GRID2: variants seen among roughly 807,000 people sequenced by gnomAD.
GRID2 encodes the protein glutamate ionotropic receptor delta type subunit 2, also known as glutamate receptor ionotropic, delta-2.
In GRID2, 33 loss-of-function variants were observed where a neutral mutation model predicts 114.8. The ratio of observed to expected loss-of-function variants is 0.29; its 90% CI spans 0.22 to 0.38. GRID2 has a LOEUF of 0.38. GRID2 is among the 10% of genes least tolerant of loss of function. GRID2 has a pLI of 1.00. For synonymous variants in GRID2, 505 were observed against 449.9 expected, an observed-to-expected ratio of 1.12 and a Z score of -1.55; for missense variants, 1,184 against 1,257.7, an observed-to-expected ratio of 0.94 and a Z score of 0.89.
chr4:93,798,774 C>A (rs900285748), intron 1 of GRID2, among the ~76,000 whole-genome samples: 9 of 152,164 alleles, frequency 5.9e-5, no homozygotes, highest in African/African-American at 9.7e-5. Flanking sequence ...TGCCTCTCCC[C>A]ACCCTCAGAA....
intron 2 of GRID2, among the ~76,000 whole-genome samples, chr4:92,624,415 G>A (rs1015373347): frequency 6.6e-6 from 1 of 151,816 alleles, no homozygotes; most frequent in Non-Finnish European, 1.5e-5. Context: ...TGACAAAATA[G>A]TATAAGATTC....
chr4:92,608,953 A>T (rs761614411), intron 2 of GRID2, among the ~76,000 whole-genome samples: 1 of 151,810 alleles, frequency 6.6e-6, no homozygotes, highest in Non-Finnish European at 1.5e-5. Flanking sequence ...AGGTGCATCA[A>T]TGTGCTTTCT....
At position 92,696,753 on chromosome 4, in the gene GRID2, A is replaced by T. The variant is rs184263071; in HGVS notation, c.244+106467A>T. Among the ~76,000 whole-genome samples, 9 of 152,266 alleles carry T rather than the reference A, an allele frequency of 5.9e-5. No individual in the cohort carries two copies. The East Asian group carries it at 1.5e-3, about 26-fold the overall frequency. On this transcript the variant is annotated intron_variant, in intron 2 of 15. Coordinates refer to ENST00000282020, the MANE Select transcript of GRID2 (RefSeq NM_001510.4). The stretch of plus-strand genomic sequence containing the variant: ...GAGTGAAAAAATATTTCCAAAATTA[A>T]GTAAGAGTTTAGACCTGTAATTGAA...
At chr4:93,226,327 C>G (rs1445319331) in intron 7 of GRID2, among the ~76,000 whole-genome samples, 1 of 152,140 alleles carries the variant, frequency 6.6e-6, no homozygotes, top group Non-Finnish European at 1.5e-5. Context: ...GAATTCAAAA[C>G]TGATTATCTA....
At chr4:93,436,770 A>G (rs1285667528) in intron 10 of GRID2, among the ~76,000 whole-genome samples, 1 of 152,138 alleles carries the variant, frequency 6.6e-6, no homozygotes. Context: ...TGCTACATGA[A>G]GTAAAAATCA....
At chr4:92,627,495 A>G (rs1730580510) in intron 2 of GRID2, among the ~76,000 whole-genome samples, 1 of 152,120 alleles carries the variant, frequency 6.6e-6, no homozygotes, top group Admixed American at 6.6e-5. Flanking sequence ...TTATTAGTAA[A>G]TTATTAGCTG....
intron 2 of GRID2, among the ~76,000 whole-genome samples, chr4:93,066,862 T>C (rs1054480033): frequency 6.6e-6 from 1 of 151,994 alleles, no homozygotes; most frequent in Non-Finnish European, 1.5e-5. Context: ...AAGCTCTACT[T>C]ATTTTACTTA....
chr4:92,527,679 T>G (rs982130838), intron 1 of GRID2, among the ~76,000 whole-genome samples: 4 of 152,034 alleles, frequency 2.6e-5, no homozygotes, highest in African/African-American at 9.7e-5. Flanking sequence ...TGTGAATTTT[T>G]CTCACTTAGT....
intron 13 of GRID2, among the ~76,000 whole-genome samples, chr4:93,606,022 T>C (rs1039186820): frequency 6.6e-6 from 1 of 152,134 alleles, no homozygotes; most frequent in Non-Finnish European, 1.5e-5. Context: ...ACCCCAGCTC[T>C]TTGGGAGGCA....
intron 4 of GRID2, among the ~76,000 whole-genome samples, chr4:93,111,611 A>G (rs1419987658): frequency 6.6e-6 from 1 of 152,130 alleles, no homozygotes; most frequent in Non-Finnish European, 1.5e-5. Flanking sequence ...TGCCTTGTAA[A>G]AGTTTATTGT....
At chr4:93,146,512 T>G (rs1329012476) in intron 4 of GRID2, among the ~76,000 whole-genome samples, 1 of 151,066 alleles carries the variant, frequency 6.6e-6, no homozygotes, top group Non-Finnish European at 1.5e-5. Flanking sequence ...ACGTTCAAAT[T>G]CAATGGACCC....
At chr4:93,749,744 A>G (rs1732150411) in intron 14 of GRID2, among the ~76,000 whole-genome samples, 1 of 152,224 alleles carries the variant, frequency 6.6e-6, no homozygotes, top group Non-Finnish European at 1.5e-5. Flanking sequence ...GAGCTAAGTA[A>G]TGATTCTTTA....
intron 8 of GRID2, among the ~76,000 whole-genome samples, chr4:93,273,116 GTATT>G (rs1399018748): frequency 5.9e-5 from 9 of 152,132 alleles, no homozygotes; most frequent in Admixed American, 2.6e-4. Context: ...ATTTATATAT[GTATT>G]TATGCAGTTA....
intron 2 of GRID2, among the ~76,000 whole-genome samples, chr4:92,899,658 C>G (rs1186805502): frequency 6.6e-6 from 1 of 151,930 alleles, no homozygotes; most frequent in East Asian, 1.9e-4. Context: ...ATCTTCAGAC[C>G]AAAAAATAAG....
At chr4:92,736,506 G>A (rs1736605275) in intron 2 of GRID2, among the ~76,000 whole-genome samples, 4 of 152,038 alleles carry the variant, frequency 2.6e-5, no homozygotes, top group African/African-American at 9.7e-5. Flanking sequence ...ATTCCCAAAA[G>A]GATATACTCA....
intron 8 of GRID2, among the ~76,000 whole-genome samples, chr4:93,339,550 G>A (rs1759435551): frequency 6.6e-6 from 1 of 152,144 alleles, no homozygotes; most frequent in African/African-American, 2.4e-5. Context: ...CCTTGCTTAT[G>A]GATTTCCCTC....
At chr4:93,572,962 T>C (rs2149582622) in intron 13 of GRID2, among the ~76,000 whole-genome samples, 1 of 152,216 alleles carries the variant, frequency 6.6e-6, no homozygotes, top group East Asian at 1.9e-4. Context: ...AATATATAAG[T>C]AGTACATCAT....
At chr4:93,409,402 T>C (rs773688589) in intron 9 of GRID2, among the ~76,000 whole-genome samples, 2 of 152,120 alleles carry the variant, frequency 1.3e-5, no homozygotes, top group Non-Finnish European at 2.9e-5. Flanking sequence ...TAGTGTCAGC[T>C]TTAGTTAGGT....
chr4:92,434,917 A>G (rs1341565092), intron 1 of GRID2, among the ~76,000 whole-genome samples: 2 of 152,154 alleles, frequency 1.3e-5, no homozygotes, highest in African/African-American at 4.8e-5. Context: ...AAAATAGAAG[A>G]TTACTTGCTG....
Sources: allele counts gnomAD v4.1 joint callset (sites outside exome capture counted in the v4.1 genomes callset), GRCh38; gene constraint gnomAD v4.1.1; transcripts MANE v1.5; gene names NCBI Gene and HGNC (gene_info 2026-07-23, HGNC 2026-07-21).